ASIC2: variants seen among roughly 807,000 people sequenced by gnomAD.
ASIC2 encodes acid-sensing ion channel 2.
Under a neutral mutation model 57.3 loss-of-function variants are expected in ASIC2, and 25 were observed. That is an observed-to-expected ratio of 0.44 (90% CI 0.32 to 0.61). The LOEUF is 0.61. Ranked by LOEUF, ASIC2 falls within the 20% of genes least tolerant of loss-of-function variation. The pLI, the probability that ASIC2 is intolerant of heterozygous loss-of-function variation, is 0.06. For missense variants in ASIC2, 641 were observed against 738.1 expected (o/e 0.87, Z 1.52); for synonymous variants, 319 against 307.5 (o/e 1.04, Z -0.39).
chr17:33,459,784 G>A (rs1418761532), intron 1 of ASIC2, among the ~76,000 whole-genome samples: 1 of 152,230 alleles, frequency 6.6e-6, no homozygotes, highest in African/African-American at 2.4e-5. Flanking sequence ...CTCCAGTGTG[G>A]TCTCTCTAGG....
chr17:34,016,038 T>C (rs539297019), intron 1 of ASIC2, among the ~76,000 whole-genome samples: 3 of 152,364 alleles, frequency 2.0e-5, no homozygotes, highest in South Asian at 2.1e-4. Context: ...AAAATGAACA[T>C]GTCCTTTCGT....
intron 1 of ASIC2, among the ~76,000 whole-genome samples, chr17:33,650,905 C>T (rs1906897940): frequency 6.6e-6 from 1 of 152,138 alleles, no homozygotes; most frequent in African/African-American, 2.4e-5. Context: ...GGTATTCTAC[C>T]TTTTGACTGT....
In ASIC2 at chr17:33,236,218, A is replaced by G. The variant is rs912022926; in HGVS notation, c.708+55190T>C. On this transcript the variant is annotated intron_variant, in intron 1 of 9. Coordinates refer to ENST00000225823, the MANE Select transcript of ASIC2 (RefSeq NM_183377.2). ...TATGGGGTGAATGTATTTTGCATGAAGGAAGGATGTGAAATTTTGGTAGGC... is the reference window on the plus strand; with the variant it reads ...TATGGGGTGAATGTATTTTGCATGAGGGAAGGATGTGAAATTTTGGTAGGC... 1.2e-4 allele frequency among the ~76,000 whole-genome samples: 19 copies of G among 152,270 alleles called. No homozygotes were observed. In the East Asian group the frequency reaches 3.7e-3, roughly 29 times the overall value.
chr17:34,019,245 A>G (rs1317217007), intron 1 of ASIC2, among the ~76,000 whole-genome samples: 1 of 152,162 alleles, frequency 6.6e-6, no homozygotes, highest in Non-Finnish European at 1.5e-5. Context: ...CCTAGCAAAG[A>G]CACTGTTGAA....
intron 1 of ASIC2, among the ~76,000 whole-genome samples, chr17:33,745,422 A>G (rs1225828089): frequency 6.6e-6 from 1 of 151,670 alleles, no homozygotes; most frequent in Non-Finnish European, 1.5e-5. Context: ...AAAAAAATCA[A>G]TTTACATATC....
At position 33,805,205 on chromosome 17, in the gene ASIC2, A is replaced by T. The variant is rs1279174801; in HGVS notation, c.555+350773T>A. Among the ~76,000 whole-genome samples the T allele has an allele frequency of 4.6e-5, 7 of 152,154 alleles. No individual in the cohort carries two copies. In the East Asian group the frequency reaches 9.7e-4, roughly 21 times the overall value. On this transcript the variant is annotated intron_variant, in intron 1 of 9. Transcript: ENST00000359872. ...CTCTTCGTCTAACTCTTTCAGATTG[A>T]TGTTACAGTTGGCCTGTGTTTCTGG...
chr17:33,588,352 T>C (rs1904708416), intron 1 of ASIC2, among the ~76,000 whole-genome samples: 1 of 152,204 alleles, frequency 6.6e-6, no homozygotes, highest in African/African-American at 2.4e-5. Context: ...TCACTTTCTC[T>C]TTCTGGACCT....
chr17:34,156,375 A>AGAGAGCC lies in ASIC2; in HGVS notation c.151_157dup (p.Leu53ArgfsTer12). ...AGAGCTCTCCACCAGCAGCAGGCCC[A>AGAGAGCC]GAGAGCCCACGAAGGCCACTGCCCA... On this transcript the variant is annotated frameshift_variant, in exon 1 of 10. Transcript: ENST00000359872. LOFTEE classifies it high-confidence loss of function. The surrounding 1 kb of genome is among the most constrained non-coding windows in gnomAD (Gnocchi z 4.4). 1 of 1,614,236 alleles carries AGAGAGCC rather than the reference A, an allele frequency of 6.2e-7. No individual in the cohort carries two copies. Among genetic ancestry groups the AGAGAGCC allele is most frequent in the Non-Finnish European group, 8.5e-7 (1 of 1,180,046 alleles).
chr17:33,559,219 C>T (rs1915999207), intron 1 of ASIC2, among the ~76,000 whole-genome samples: 1 of 152,196 alleles, frequency 6.6e-6, no homozygotes, highest in Non-Finnish European at 1.5e-5. Context: ...AACAGCCCTT[C>T]CTGGTAAGCT....
intron 1 of ASIC2, among the ~76,000 whole-genome samples, chr17:33,145,325 C>T (rs889406862): frequency 2.6e-5 from 4 of 152,210 alleles, no homozygotes; most frequent in African/African-American, 4.8e-5. Flanking sequence ...GCAGCACCAG[C>T]GTTGCCATGC....
intron 3 of ASIC2, among the ~76,000 whole-genome samples, chr17:33,071,430 G>A (rs979787230): frequency 3.9e-5 from 6 of 152,074 alleles, no homozygotes; most frequent in African/African-American, 1.4e-4. Flanking sequence ...AGTTCAACTT[G>A]GCTTTTTAAC....
At chr17:33,303,028 C>T (rs999303986) in intron 1 of ASIC2, among the ~76,000 whole-genome samples, 1 of 152,200 alleles carries the variant, frequency 6.6e-6, no homozygotes, top group African/African-American at 2.4e-5. Context: ...TTACTAGAAT[C>T]CAGCACTGAA....
intron 1 of ASIC2, among the ~76,000 whole-genome samples, chr17:33,244,409 C>T (rs577023207): frequency 2.0e-4 from 31 of 152,254 alleles, no homozygotes; most frequent in African/African-American, 6.5e-4. Context: ...TCTTTTTGGT[C>T]GAATTAATCA....
At chr17:33,067,957 T>C (rs1409761586) in intron 3 of ASIC2, among the ~76,000 whole-genome samples, 1 of 152,126 alleles carries the variant, frequency 6.6e-6, no homozygotes, top group Non-Finnish European at 1.5e-5. Flanking sequence ...ATTAACTAAA[T>C]GTATTTGCTG....
chr17:33,271,831 T>C (rs1426340154), intron 1 of ASIC2, among the ~76,000 whole-genome samples: 3 of 152,234 alleles, frequency 2.0e-5, no homozygotes, highest in Admixed American at 6.5e-5. Context: ...GGCACTCTCA[T>C]TCCTAAGCCC....
At chr17:33,603,199 C>T (rs550363029) in intron 1 of ASIC2, among the ~76,000 whole-genome samples, 2 of 152,326 alleles carry the variant, frequency 1.3e-5, no homozygotes, top group African/African-American at 4.8e-5. Context: ...ACAGAGCCCC[C>T]GTTTAGTGTG....
At chr17:33,125,445 A>G (rs2092319453) in intron 1 of ASIC2, among the ~76,000 whole-genome samples, 2 of 152,236 alleles carry the variant, frequency 1.3e-5, no homozygotes, top group Non-Finnish European at 2.9e-5. Flanking sequence ...AGTTCCTTGA[A>G]TTATGAACTA....
intron 1 of ASIC2, among the ~76,000 whole-genome samples, chr17:33,976,125 ATACCCCATTTAC>A (rs1905376154): frequency 6.7e-6 from 1 of 149,738 alleles, no homozygotes; most frequent in Admixed American, 6.7e-5. Flanking sequence ...TTATATATTA[ATACCCCATTTAC>A]AGATGATCTT....
chr17:33,204,144 T>C (rs1449618690), intron 1 of ASIC2, among the ~76,000 whole-genome samples: 1 of 152,252 alleles, frequency 6.6e-6, no homozygotes, highest in East Asian at 1.9e-4. Context: ...TCAGTCATGT[T>C]TTCCCTCACC....
Sources: gnomAD v4.1 joint callset for allele counts (sites outside exome capture counted in the v4.1 genomes callset) on GRCh38, gnomAD v4.1.1 for gene constraint, Gnocchi (gnomAD v3.1) non-coding constraint, MANE v1.5 for transcripts, NCBI Gene and HGNC (gene_info 2026-07-23, HGNC 2026-07-21) for gene names.